CCDC150: variants seen among roughly 807,000 people sequenced by gnomAD.
The protein encoded by CCDC150 is coiled-coil domain-containing protein 150.
CCDC150 carries 151 observed loss-of-function variants against 156.5 expected under a neutral mutation model. The ratio of observed to expected loss-of-function variants is 0.97; its 90% confidence interval spans 0.85 to 1.10. The LOEUF (loss-of-function observed/expected upper bound fraction) is 1.10. Among genes scored for constraint, CCDC150 ranks in the 50% least tolerant of loss-of-function variants. The probability of loss-of-function intolerance (pLI) is 0.00; values close to 1 mark genes in which losing one functional copy is unlikely to be tolerated. For missense variants in CCDC150, 1,312 were observed against 1,268.1 expected (o/e 1.03, Z -0.53); for synonymous variants, 452 against 429.4 (o/e 1.05, Z -0.65).
At position 196,730,070 on chromosome 2, in the gene CCDC150, C is replaced by G. The variant is rs1178991264; in HGVS notation, c.2934C>G (p.His978Gln). 3 of 1,612,936 alleles carry G rather than the reference C, an allele frequency of 1.9e-6. No homozygotes were observed. Among genetic ancestry groups the G allele is most frequent in the Non-Finnish European group, 2.5e-6 (3 of 1,179,532 alleles). The change falls in exon 25 of 28, where the codon CAC (histidine) becomes CAG (glutamine). Residue 978 changes from histidine to glutamine, a missense_variant. Transcript: ENST00000389175. The part of the protein sequence containing the change: ...ASVRNKQQEL[H>Q]LEAERKIRQE... Reference sequence around the variant, plus strand: ...TGCGGAATAAACAGCAAGAGCTGCACCTAGAAGCAGAGCGGAAAATAAGGC... The same window carrying G: ...TGCGGAATAAACAGCAAGAGCTGCAGCTAGAAGCAGAGCGGAAAATAAGGC...
At chr2:196,726,418 C>T in intron 22 of CCDC150, 1 of 233,114 alleles carries the variant, frequency 4.3e-6, no homozygotes, top group South Asian at 7.0e-5. Context: ...TAACTGGCAT[C>T]TATTCTGCAT....
Position 196,712,744 on chromosome 2 carries a change from T to A in CCDC150, c.1866+5T>A. On this transcript the variant is annotated splice_donor_5th_base_variant and intron_variant, in intron 17 of 27. Coordinates refer to ENST00000389175, the MANE Select transcript of CCDC150 (RefSeq NM_001080539.2). ...GCAGATGCTCACCTGAAAGAAGTAT[T>A]GGTAATGAAAGTGCTTACTTGTCAG... is the stretch of plus-strand genomic sequence containing the variant. The A allele has an allele frequency of 1.9e-6, 3 of 1,606,738 alleles. No homozygotes were observed. The highest frequency in any genetic ancestry group is 1.7e-6 in the Non-Finnish European group (2 of 1,175,742).
At chr2:196,666,486 T>G (rs1693846281) in intron 6 of CCDC150, among the ~76,000 whole-genome samples, 1 of 152,180 alleles carries the variant, frequency 6.6e-6, no homozygotes, top group Admixed American at 6.5e-5. Context: ...ATTCAAGTGC[T>G]CAGTAGCCAC....
chr2:196,700,864 T>C (rs1310268042), intron 14 of CCDC150, among the ~76,000 whole-genome samples: 1 of 152,188 alleles, frequency 6.6e-6, no homozygotes, highest in Non-Finnish European at 1.5e-5. Context: ...AAAAAGTTAA[T>C]ATACAAAACC....
intron 7 of CCDC150, among the ~76,000 whole-genome samples, chr2:196,668,721 A>T (rs1186943913): frequency 6.6e-6 from 1 of 152,232 alleles, no homozygotes; most frequent in African/African-American, 2.4e-5. Flanking sequence ...GCATTTATAT[A>T]CAGATTTATA....
intron 13 of CCDC150, among the ~76,000 whole-genome samples, chr2:196,679,678 A>G (rs182521545): frequency 6.6e-6 from 1 of 152,376 alleles, no homozygotes; most frequent in East Asian, 1.9e-4. Flanking sequence ...GTTTAGCATA[A>G]TAACAAACTG....
intron 15 of CCDC150, among the ~76,000 whole-genome samples, chr2:196,703,663 A>T (rs1048143534): frequency 6.6e-6 from 1 of 152,206 alleles, no homozygotes; most frequent in Non-Finnish European, 1.5e-5. Flanking sequence ...TTTTCCAAGA[A>T]AAATGAAATA....
chr2:196,695,219 A>C (rs936722116), intron 14 of CCDC150, 60 bp downstream of exon 14: 10 of 866,914 alleles, frequency 1.2e-5, no homozygotes, highest in Non-Finnish European at 1.7e-5. Flanking sequence ...AGAAATAACA[A>C]CAACCAGAGG....
chr2:196,695,019 TTC>T (rs1240333607), intron 13 of CCDC150, 25 bp from the exon 14 acceptor site: 3 of 1,245,628 alleles, frequency 2.4e-6, no homozygotes, highest in African/African-American at 3.0e-5. Flanking sequence ...CGTAAATAGT[TTC>T]TTTTTTACTT....
chr2:196,659,491 C>G (rs1228300257), intron 5 of CCDC150, among the ~76,000 whole-genome samples: 1 of 152,110 alleles, frequency 6.6e-6, no homozygotes, highest in African/African-American at 2.4e-5. Context: ...GAGAAGTAGA[C>G]ATACTTTTTA....
intron 13 of CCDC150, among the ~76,000 whole-genome samples, chr2:196,694,138 C>T (rs887024883): frequency 2.6e-5 from 4 of 151,044 alleles, no homozygotes; most frequent in African/African-American, 9.8e-5. Context: ...CTCACCGCAA[C>T]CTCTGCCTCC....
At chr2:196,644,026 C>T (rs1692389519) in intron 1 of CCDC150, among the ~76,000 whole-genome samples, 1 of 152,130 alleles carries the variant, frequency 6.6e-6, no homozygotes, top group African/African-American at 2.4e-5. Flanking sequence ...TGAGAGTGAG[C>T]TGCTGCATAC....
In CCDC150 at chr2:196,674,364, GA is replaced by G; in HGVS notation, c.1137+19del. 6.5e-7 allele frequency: 1 copy of G among 1,537,388 alleles called. No individual in the cohort carries two copies. Among genetic ancestry groups the G allele is most frequent in the Non-Finnish European group, 8.9e-7 (1 of 1,125,108 alleles). On this transcript the variant is annotated intron_variant, in intron 10 of 27. Transcript: ENST00000389175. ...CATTCTGCAGGTATTCGTTTAACAT[GA>G]AAGCCAACCAGAAAGCCAGCCTGGT...
At chr2:196,717,516 A>T (rs1265518407) in intron 17 of CCDC150, among the ~76,000 whole-genome samples, 1 of 152,230 alleles carries the variant, frequency 6.6e-6, no homozygotes, top group Non-Finnish European at 1.5e-5. Context: ...TGATCTAGTT[A>T]GTCAAGTTAA....
chr2:196,679,346 A>G (rs1391169836), intron 13 of CCDC150, among the ~76,000 whole-genome samples: 1 of 152,184 alleles, frequency 6.6e-6, no homozygotes, highest in Non-Finnish European at 1.5e-5. Flanking sequence ...TCCCCTGGCA[A>G]CCACAGATCT....
At chr2:196,644,960 CAA>C (rs34647446) in intron 1 of CCDC150, among the ~76,000 whole-genome samples, 1 of 144,372 alleles carries the variant, frequency 6.9e-6, no homozygotes, top group Non-Finnish European at 1.5e-5. Context: ...ACTAAAAATA[CAA>C]AAAAAAAAAA....
At chr2:196,680,634 G>A (rs1484623697) in intron 13 of CCDC150, among the ~76,000 whole-genome samples, 1 of 152,062 alleles carries the variant, frequency 6.6e-6, no homozygotes, top group Admixed American at 6.5e-5. Context: ...TCCATTGGTG[G>A]GCTTTCAGGT....
At chr2:196,720,336 T>C (rs1697806505) in intron 19 of CCDC150, 4 of 473,198 alleles carry the variant, frequency 8.5e-6, no homozygotes, top group Non-Finnish European at 1.6e-5. Flanking sequence ...AAGGGAATGG[T>C]ATTAAAAATA....
chr2:196,641,603 G>A (rs1278860345), intron 1 of CCDC150, among the ~76,000 whole-genome samples: 1 of 152,032 alleles, frequency 6.6e-6, no homozygotes, highest in Non-Finnish European at 1.5e-5. Context: ...ATTTTACTTA[G>A]TGTCTGTCTT....
Sources: gnomAD v4.1 joint callset for allele counts (sites outside exome capture counted in the v4.1 genomes callset) on GRCh38, gnomAD v4.1.1 for gene constraint, MANE v1.5 for transcripts, NCBI Gene and HGNC (gene_info 2026-07-23, HGNC 2026-07-21) for gene names.